Variants in SH3GL1 observed in about 807,000 individuals in gnomAD.
The protein encoded by SH3GL1 is SH3 domain containing GRB2 like 1, endophilin A2.
In SH3GL1, 21 loss-of-function variants were observed where a neutral mutation model predicts 48.8. The ratio of observed to expected loss-of-function variants is 0.43; its 90% CI spans 0.30 to 0.62. The LOEUF (loss-of-function observed/expected upper bound fraction) is 0.62. Ranked by LOEUF, SH3GL1 falls within the 20% of genes least tolerant of loss-of-function variation. SH3GL1 has a pLI of 0.11. For synonymous variants in SH3GL1, 282 were observed against 217.5 expected, an observed-to-expected ratio of 1.30 and a Z score of -2.61; for missense variants, 454 against 503.0, an observed-to-expected ratio of 0.90 and a Z score of 0.93.
chr19:4,370,914 G>C (rs997302017), intron 1 of SH3GL1, among the ~76,000 whole-genome samples: 11 of 152,264 alleles, frequency 7.2e-5, no homozygotes, highest in Non-Finnish European at 1.6e-4. Context: ...AGACTGGCTT[G>C]TGGTCTTTCA....
Position 4,393,006 on chromosome 19 carries a change from C to G in SH3GL1, c.45+7318G>C, listed in dbSNP as rs542891011. Reference sequence around the variant, plus strand: ...GGCGTGGTAGCTCACACCTGCAATCCCAGCCCTTTGAGAGGCTGAGGCAGG... The same window carrying G: ...GGCGTGGTAGCTCACACCTGCAATCGCAGCCCTTTGAGAGGCTGAGGCAGG... On this transcript the variant is annotated intron_variant, in intron 1 of 9. Transcript: ENST00000269886. Among the ~76,000 whole-genome samples the G allele has an allele frequency of 5.3e-5, 8 of 152,248 alleles. No individual in the cohort carries two copies. The East Asian group carries it at 1.2e-3, about 22-fold the overall frequency.
rs546801076 is a variant in SH3GL1 at position 4,361,335 on chromosome 19, G to A, written c.*265C>T. 2.2e-4 allele frequency: 115 copies of A among 515,248 alleles called. No individual in the cohort carries two copies. The highest frequency in any genetic ancestry group is 2.0e-3 in the African/African-American group (102 of 51,758). The allele number at this position is 515,248 out of a possible 1,614,324, so 31.9% of individuals were successfully genotyped here. ...GCTGGGCGAGAAGTTGGGGAGCGGG[G>A]GAGGAGGCTGGCGCCATGGAGTGGG... On this transcript the variant is annotated 3_prime_UTR_variant, in exon 10 of 10. Transcript: ENST00000269886.
Position 4,400,203 on chromosome 19 carries a change from G to A in SH3GL1, c.45+121C>T. ...CCCTTGGTCTTCCCACCTGGCAGGG[G>A]ACACGCGCCAACGTCCCCACCTCGG... On this transcript the variant is annotated intron_variant, in intron 1 of 9. Coordinates refer to ENST00000269886, the MANE Select transcript of SH3GL1 (RefSeq NM_003025.4). The surrounding 1 kb of genome is among the most constrained non-coding windows in gnomAD (Gnocchi z 4.1). 9.1e-7 allele frequency: 1 copy of A among 1,092,978 alleles called. No individual in the cohort carries two copies. Among genetic ancestry groups the A allele is most frequent in the Non-Finnish European group, 1.3e-6 (1 of 780,964 alleles). The allele number at this position is 1,092,978 out of a possible 1,614,324, so 67.7% of individuals were successfully genotyped here. A position where few individuals can be genotyped will look rare whatever the true frequency, so the allele number is the denominator to read the frequency against.
chr19:4,390,981 C>T (rs1473942642), intron 1 of SH3GL1, among the ~76,000 whole-genome samples: 1 of 152,162 alleles, frequency 6.6e-6, no homozygotes. Flanking sequence ...GAAACAATCA[C>T]GGAGGAGGAA....
rs548019490 is a variant in SH3GL1, at chr19:4,390,872, G to A, written c.45+9452C>T. Reference sequence around the variant, plus strand: ...TCTAAGCTCTGCCCCGGGCAGCGCCGAAACCTGCGGCTGCCTCCGAAATCC... The same window carrying A: ...TCTAAGCTCTGCCCCGGGCAGCGCCAAAACCTGCGGCTGCCTCCGAAATCC... On this transcript the variant is annotated intron_variant, in intron 1 of 9. Coordinates refer to ENST00000269886, the MANE Select transcript of SH3GL1 (RefSeq NM_003025.4). Among the ~76,000 whole-genome samples the A allele has an allele frequency of 1.1e-4, 16 of 152,204 alleles. 1 individual carries two copies. Among genetic ancestry groups the A allele is most frequent in the South Asian group, 2.1e-4 (1 of 4,822 alleles).
chr19:4,390,918 T>C (rs1376644459), intron 1 of SH3GL1, among the ~76,000 whole-genome samples: 1 of 152,160 alleles, frequency 6.6e-6, no homozygotes, highest in Non-Finnish European at 1.5e-5. Context: ...GTTGGCAGCA[T>C]GCTCCAAATT....
At chr19:4,363,696 G>C in intron 6 of SH3GL1, 24 bp downstream of exon 6, 1 of 1,612,162 alleles carries the variant, frequency 6.2e-7, no homozygotes, top group Non-Finnish European at 8.5e-7. Context: ...GTCTTCTCAG[G>C]ATGTGACACC....
At chr19:4,382,239 A>T (rs374222731) in intron 1 of SH3GL1, among the ~76,000 whole-genome samples, 4 of 147,796 alleles carry the variant, frequency 2.7e-5, no homozygotes, top group East Asian at 4.0e-4. Context: ...CAGCAGGGGA[A>T]GGTGCTCCGC....
rs1000730199 is a variant in SH3GL1, at chr19:4,367,829, C to T, written c.46-835G>A. 6.6e-6 allele frequency among the ~76,000 whole-genome samples: 1 copy of T among 152,216 alleles called. No individual in the cohort carries two copies. The highest frequency in any genetic ancestry group is 1.5e-5 in the Non-Finnish European group (1 of 68,034). On this transcript the variant is annotated intron_variant, in intron 1 of 9. Transcript: ENST00000269886. This position sits in a 1 kb window ranked among gnomAD's most constrained non-coding sequence, Gnocchi z 4.2. ...CCCAGCACCGCTGTCTGAGCACAGG[C>T]GTTGCTTTCTTCACCCCACGTATCC...
At chr19:4,399,962 C>T (rs1973492607) in intron 1 of SH3GL1, among the ~76,000 whole-genome samples, 4 of 152,184 alleles carry the variant, frequency 2.6e-5, no homozygotes, top group Non-Finnish European at 5.9e-5. Flanking sequence ...TTCCCTGGCT[C>T]TGGGTTATCT....
At chr19:4,373,078 CTGCACA>C (rs1972934728) in intron 1 of SH3GL1, among the ~76,000 whole-genome samples, 2 of 152,152 alleles carry the variant, frequency 1.3e-5, no homozygotes, top group South Asian at 4.1e-4. Flanking sequence ...GTAGTCATTC[CTGCACA>C]TGCTCAGGGA....
intron 1 of SH3GL1, among the ~76,000 whole-genome samples, chr19:4,388,315 AGG>A (rs1238707997): frequency 6.6e-6 from 1 of 152,234 alleles, no homozygotes; most frequent in African/African-American, 2.4e-5. Flanking sequence ...CTGTCATTTC[AGG>A]GCATCACCGC....
In SH3GL1 at chr19:4,371,251, T is replaced by A. The variant is rs1173455556; in HGVS notation, c.46-4257A>T. Among the ~76,000 whole-genome samples the A allele has an allele frequency of 2.0e-5, 3 of 152,240 alleles. 1 individual carries two copies. In the South Asian group the frequency reaches 6.2e-4, roughly 31 times the overall value. On this transcript the variant is annotated intron_variant, in intron 1 of 9. Coordinates refer to ENST00000269886, the MANE Select transcript of SH3GL1 (RefSeq NM_003025.4). The stretch of plus-strand genomic sequence containing the variant: ...AAGGTGGAAAAATACAGAAATGAAC[T>A]GTGAAGACACTGTGGACTGAGAGTC...
At chr19:4,380,550 T>C (rs1361995096) in intron 1 of SH3GL1, among the ~76,000 whole-genome samples, 4 of 152,140 alleles carry the variant, frequency 2.6e-5, no homozygotes, top group Non-Finnish European at 4.4e-5. Context: ...AAGTGCCCGT[T>C]TGGAAGATGT....
intron 1 of SH3GL1, among the ~76,000 whole-genome samples, chr19:4,398,752 C>T (rs1973467282): frequency 6.6e-6 from 1 of 152,162 alleles, no homozygotes; most frequent in South Asian, 2.1e-4. Context: ...GGATCCACAG[C>T]TTTCACCAGA....
At chr19:4,369,733 C>A (rs1972857967) in intron 1 of SH3GL1, among the ~76,000 whole-genome samples, 1 of 152,366 alleles carries the variant, frequency 6.6e-6, no homozygotes, top group Non-Finnish European at 1.5e-5. Flanking sequence ...TCCTCGCACC[C>A]CTGACACCCG....
At chr19:4,382,874 CACA>C (rs1973163756) in intron 1 of SH3GL1, among the ~76,000 whole-genome samples, 1 of 152,166 alleles carries the variant, frequency 6.6e-6, no homozygotes, top group Non-Finnish European at 1.5e-5. Context: ...AGCCTCTGCT[CACA>C]ACATGTTCAT....
chr19:4,361,664 A>G lies in SH3GL1; in HGVS notation c.1043T>C (p.Leu348Pro). ...CGGGAAGAAGCCCGACTGGCCGTCC[A>G]GCATGCCCTCGTACCAGTTCTCATC... Reference protein sequence around the residue: ...QIDENWYEGMLDGQSGFFPLS... With the variant: ...QIDENWYEGMPDGQSGFFPLS... The change falls in exon 10 of 10, where the codon CTG becomes CCG. Residue 348 changes from leucine (L) to proline (P), a missense_variant. Leu to Pro is a moderately conservative substitution (Grantham distance 98). Around this residue, in one of 2 missense-constraint regions of SH3GL1, gnomAD observed 278 missense variants for 246.8 expected, o/e 1.13. Transcript: ENST00000269886. 1 of 1,612,404 alleles carries G rather than the reference A, an allele frequency of 6.2e-7. No individual in the cohort carries two copies. Among genetic ancestry groups the G allele is most frequent in the Non-Finnish European group, 8.5e-7 (1 of 1,179,784 alleles).
At chr19:4,386,501 CTTTTTTTT>C (rs960946256) in intron 1 of SH3GL1, among the ~76,000 whole-genome samples, 207 of 130,804 alleles carry the variant, frequency 1.6e-3, no homozygotes, top group African/African-American at 5.7e-3. Flanking sequence ...TTCTTTTTCA[CTTTTTTTT>C]TTTTTTTTTT....
Sources: gnomAD v4.1 joint callset for allele counts (sites outside exome capture counted in the v4.1 genomes callset) on GRCh38, gnomAD v4.1.1 for gene constraint, gnomAD v4.1.1 regional missense constraint, Gnocchi (gnomAD v3.1) non-coding constraint, MANE v1.5 for transcripts, NCBI Gene and HGNC (gene_info 2026-07-23, HGNC 2026-07-21) for gene names.